PACSIN2: variants seen among roughly 807,000 people sequenced by gnomAD.
PACSIN2 encodes protein kinase C and casein kinase substrate in neurons protein 2.
In PACSIN2, 25 loss-of-function variants were observed where a neutral mutation model predicts 63.8. The ratio of observed to expected loss-of-function variants is 0.39; its 90% CI spans 0.29 to 0.55. The LOEUF (loss-of-function observed/expected upper bound fraction) is 0.55. Among genes scored for constraint, PACSIN2 ranks in the 20% least tolerant of loss-of-function variants. The pLI, the probability that PACSIN2 is intolerant of heterozygous loss-of-function variation, is 0.62. For missense variants in PACSIN2, 518 were observed against 646.9 expected (o/e 0.80, Z 2.16); for synonymous variants, 255 against 256.2 (o/e 1.00, Z 0.05).
intron 1 of PACSIN2, among the ~76,000 whole-genome samples, chr22:42,980,521 C>T (rs1601599567): frequency 7.2e-6 from 1 of 138,746 alleles, no homozygotes. Context: ...CCTCCACGGT[C>T]TCCCTCTGAT....
At chr22:42,934,573 A>G (rs115151065) in intron 1 of PACSIN2, among the ~76,000 whole-genome samples, 1,563 of 152,312 alleles carry the variant, frequency 0.01, 23 homozygotes, top group African/African-American at 0.035. Flanking sequence ...CGTGCAGCAC[A>G]CTGCCACCTG....
intron 8 of PACSIN2, among the ~76,000 whole-genome samples, 168 bp downstream of exon 8, chr22:42,878,880 T>G (rs1412629744): frequency 1.3e-5 from 2 of 151,550 alleles, no homozygotes; most frequent in Non-Finnish European, 2.9e-5. Context: ...CCCACAGAGC[T>G]CAGGAGCCCA....
chr22:43,009,281 C>A (rs1302173819), intron 1 of PACSIN2, among the ~76,000 whole-genome samples: 1 of 152,184 alleles, frequency 6.6e-6, no homozygotes, highest in Non-Finnish European at 1.5e-5. Context: ...GAAGGAATAT[C>A]TATTGCCACC....
At chr22:42,944,294 G>C (rs549537325) in intron 1 of PACSIN2, among the ~76,000 whole-genome samples, 1 of 152,280 alleles carries the variant, frequency 6.6e-6, no homozygotes, top group East Asian at 1.9e-4. Flanking sequence ...GAGACTTGGG[G>C]TTTGCTTGTT....
chr22:42,922,839 C>G (rs1932284080), intron 1 of PACSIN2, among the ~76,000 whole-genome samples: 1 of 152,102 alleles, frequency 6.6e-6, no homozygotes, highest in African/African-American at 2.4e-5. Context: ...TGGCACACAG[C>G]AAAGTAAAAA....
At chr22:42,947,756 A>G (rs1028731214) in intron 1 of PACSIN2, among the ~76,000 whole-genome samples, 1 of 152,192 alleles carries the variant, frequency 6.6e-6, no homozygotes, top group Non-Finnish European at 1.5e-5. Flanking sequence ...TCATGGGTAA[A>G]ATAGAATCCA....
In PACSIN2 at chr22:42,869,967, T is replaced by C. The variant is rs979479214; in HGVS notation, c.*1390A>G. On this transcript the variant is annotated 3_prime_UTR_variant, in exon 11 of 11. Transcript: ENST00000263246. ...AGACATCTGCTCACTGGAAACGGAG[T>C]GAATGCATAGCTGGTGACGGCGGCG... is the stretch of plus-strand genomic sequence containing the variant. 2 of 151,992 alleles carry C rather than the reference T, an allele frequency of 1.3e-5. No individual in the cohort carries two copies. The highest frequency in any genetic ancestry group is 4.8e-5 in the African/African-American group (2 of 41,268). 9.4% of individuals were successfully genotyped at this position (151,992 alleles called of 1,614,324 possible).
intron 1 of PACSIN2, among the ~76,000 whole-genome samples, chr22:42,971,421 A>G (rs1921259399): frequency 6.6e-6 from 1 of 152,048 alleles, no homozygotes; most frequent in Admixed American, 6.5e-5. Flanking sequence ...CAGTGGCGTG[A>G]TCTCGGCTCG....
intron 1 of PACSIN2, among the ~76,000 whole-genome samples, chr22:42,938,690 C>T (rs1448017894): frequency 6.6e-6 from 1 of 152,206 alleles, no homozygotes; most frequent in African/African-American, 2.4e-5. Flanking sequence ...GTGTGTGCTA[C>T]CCGTGCCTGG....
rs370596304 is a variant in PACSIN2 at position 43,003,248 on chromosome 22, T to TA, written c.-78+11772dup. Among the ~76,000 whole-genome samples, 468 of 152,326 alleles carry TA rather than the reference T, an allele frequency of 3.1e-3. 3 individuals are homozygous for TA. Among genetic ancestry groups the TA allele is most frequent in the African/African-American group, 0.011 (461 of 41,574 alleles). ...TTTTCTATGTTGAACCTTCAATTTT[T>TA]AAAAGATTTAAAGAAAGCAAAAAAG... is the stretch of plus-strand genomic sequence containing the variant. On this transcript the variant is annotated intron_variant, in intron 1 of 10. Coordinates refer to ENST00000263246, the MANE Select transcript of PACSIN2 (RefSeq NM_001184970.3).
At chr22:42,919,075 CA>C (rs527545920) in intron 1 of PACSIN2, among the ~76,000 whole-genome samples, 27 of 152,260 alleles carry the variant, frequency 1.8e-4, no homozygotes, top group African/African-American at 6.5e-4. Flanking sequence ...TCTTTAATGC[CA>C]AACAGTGCTG....
chr22:42,986,414 G>A (rs574924157), intron 1 of PACSIN2, among the ~76,000 whole-genome samples: 1 of 152,100 alleles, frequency 6.6e-6, no homozygotes, highest in South Asian at 2.1e-4. Context: ...GAAATCAAAC[G>A]CCTAAAAGAA....
chr22:43,012,056 A>C lies in PACSIN2; in HGVS notation c.-78+2965T>G, dbSNP rs1375605043. 2.0e-5 allele frequency among the ~76,000 whole-genome samples: 3 copies of C among 152,092 alleles called. No homozygotes were observed. In the East Asian group the frequency reaches 5.8e-4, roughly 29 times the overall value. On this transcript the variant is annotated intron_variant, in intron 1 of 10. Coordinates refer to ENST00000263246, the MANE Select transcript of PACSIN2 (RefSeq NM_001184970.3). ...GTTACTCAGGAGGCTGAGGCAGGGGAATCACTTGAACCTGGGAGGCAGAGG... is the reference window on the plus strand; with the variant it reads ...GTTACTCAGGAGGCTGAGGCAGGGGCATCACTTGAACCTGGGAGGCAGAGG...
chr22:42,979,074 A>G (rs1186667978), intron 1 of PACSIN2, among the ~76,000 whole-genome samples: 1 of 152,216 alleles, frequency 6.6e-6, no homozygotes, highest in Non-Finnish European at 1.5e-5. Context: ...CACAGACAAC[A>G]GGGGTACTAC....
intron 10 of PACSIN2, among the ~76,000 whole-genome samples, chr22:42,872,802 T>C (rs1928266983): frequency 6.6e-6 from 1 of 152,260 alleles, no homozygotes; most frequent in African/African-American, 2.4e-5. Context: ...GTCGTGCCGC[T>C]TCTGCCAGAC....
chr22:42,949,732 A>G (rs1281539363), intron 1 of PACSIN2, among the ~76,000 whole-genome samples: 1 of 152,112 alleles, frequency 6.6e-6, no homozygotes, highest in Non-Finnish European at 1.5e-5. Context: ...ACACAGGCAG[A>G]AAGAACCTGT....
chr22:42,982,222 T>C (rs7286792), intron 1 of PACSIN2, among the ~76,000 whole-genome samples: 14,278 of 34,872 alleles, frequency 0.41, 2,677 homozygotes, highest in East Asian at 0.66. Flanking sequence ...CCCCTCTGCC[T>C]GGCCAGCCGC....
At chr22:42,985,564 C>T (rs368232425) in intron 1 of PACSIN2, among the ~76,000 whole-genome samples, 7 of 152,302 alleles carry the variant, frequency 4.6e-5, no homozygotes, top group African/African-American at 1.4e-4. Flanking sequence ...CTCCAGCCCT[C>T]GCTCGGCCAA....
At chr22:42,896,668 G>C (rs1930310748) in intron 2 of PACSIN2, among the ~76,000 whole-genome samples, 1 of 152,188 alleles carries the variant, frequency 6.6e-6, no homozygotes, top group Non-Finnish European at 1.5e-5. Context: ...AATGTTAACT[G>C]TACGTTTAAC....
Sources: gnomAD v4.1 joint callset for allele counts (sites outside exome capture counted in the v4.1 genomes callset) on GRCh38, gnomAD v4.1.1 for gene constraint, MANE v1.5 for transcripts, NCBI Gene and HGNC (gene_info 2026-07-23, HGNC 2026-07-21) for gene names.